The following ZNF407 variants were observed in gnomAD, a reference collection of about 807,000 sequenced individuals.
ZNF407 encodes the protein zinc finger protein 407.
ZNF407 carries 17 observed loss-of-function variants against 131.2 expected under a neutral mutation model. That is an observed-to-expected ratio of 0.13 (90% confidence interval 0.09 to 0.19). ZNF407 has a LOEUF of 0.19. Ranked by LOEUF, ZNF407 falls within the 10% of genes least tolerant of loss-of-function variation. The pLI, the probability that ZNF407 is intolerant of heterozygous loss-of-function variation, is 1.00. For synonymous variants in ZNF407, 1,156 were observed against 1,062.0 expected (o/e 1.09, Z -1.72); for missense variants, 2,681 against 2,830.6 (o/e 0.95, Z 1.20).
intron 4 of ZNF407, among the ~76,000 whole-genome samples, chr18:74,856,300 G>A (rs868775637): frequency 6.6e-6 from 1 of 152,140 alleles, no homozygotes; most frequent in African/African-American, 2.4e-5. Context: ...TTGTCACAAC[G>A]CATCATCTAA....
At chr18:74,882,515 T>A (rs9961200) in intron 6 of ZNF407, among the ~76,000 whole-genome samples, 8,865 of 152,294 alleles carry the variant, frequency 0.058, 824 homozygotes, top group African/African-American at 0.2. Flanking sequence ...AGGTAGCTTC[T>A]GTGCCCAATA....
chr18:75,033,226 T>C (rs1197246975), intron 8 of ZNF407, among the ~76,000 whole-genome samples: 1 of 136,828 alleles, frequency 7.3e-6, no homozygotes, highest in African/African-American at 2.8e-5. Context: ...GAAGATAGTA[T>C]TAGATAACTG....
intron 8 of ZNF407, among the ~76,000 whole-genome samples, chr18:74,924,036 C>T (rs1278025030): frequency 6.6e-6 from 1 of 152,152 alleles, no homozygotes; most frequent in Non-Finnish European, 1.5e-5. Flanking sequence ...ACTACAAGTA[C>T]AAGCAGCAGT....
At chr18:74,829,955 T>C (rs1263303174) in intron 4 of ZNF407, among the ~76,000 whole-genome samples, 1 of 152,084 alleles carries the variant, frequency 6.6e-6, no homozygotes, top group Non-Finnish European at 1.5e-5. Context: ...GCCTTTACAG[T>C]GGTAAATATA....
At chr18:74,879,102 A>G (rs948009384) in intron 5 of ZNF407, among the ~76,000 whole-genome samples, 3 of 152,308 alleles carry the variant, frequency 2.0e-5, no homozygotes, top group African/African-American at 7.2e-5. Flanking sequence ...AAATAGGGAA[A>G]GGAATAAAAA....
At chr18:74,812,817 T>C (rs1439940138) in intron 4 of ZNF407, among the ~76,000 whole-genome samples, 1 of 152,182 alleles carries the variant, frequency 6.6e-6, no homozygotes, top group East Asian at 1.9e-4. Context: ...TTTTAATGAC[T>C]TTGTCTTAGA....
intron 3 of ZNF407, among the ~76,000 whole-genome samples, chr18:74,647,866 G>A (rs185916502): frequency 1.2e-3 from 176 of 152,246 alleles, no homozygotes; most frequent in African/African-American, 4.0e-3. Context: ...CTGCTGAGGA[G>A]CAGAAGGAAA....
chr18:74,798,508 G>A (rs1342001370), intron 4 of ZNF407, among the ~76,000 whole-genome samples: 1 of 152,072 alleles, frequency 6.6e-6, no homozygotes. Flanking sequence ...CAGTGGTGTG[G>A]CAAGAGGTTG....
At chr18:75,045,856 G>C (rs79683588) in intron 8 of ZNF407, among the ~76,000 whole-genome samples, 3,503 of 152,240 alleles carry the variant, frequency 0.023, 49 homozygotes, top group African/African-American at 0.032. Flanking sequence ...ATACTCTTAA[G>C]CAGAAGGATC....
rs1969309731 is a variant in ZNF407 at position 74,769,172 on chromosome 18, G to A, written c.4803-12256G>A. On this transcript the variant is annotated intron_variant, in intron 3 of 8. Coordinates refer to ENST00000299687, the MANE Select transcript of ZNF407 (RefSeq NM_017757.3). Reference sequence around the variant, plus strand: ...CAGTCATAGGGAAGGCCCAGATTCAGCCCAAGTTTCTTTGACATCAGGCTT... The same window carrying A: ...CAGTCATAGGGAAGGCCCAGATTCAACCCAAGTTTCTTTGACATCAGGCTT... Among the ~76,000 whole-genome samples, 4 of 152,176 alleles carry A rather than the reference G, an allele frequency of 2.6e-5. No individual in the cohort carries two copies. In the South Asian group the frequency reaches 8.3e-4, roughly 31 times the overall value.
chr18:74,605,963 T>A (rs1982787447), intron 1 of ZNF407, among the ~76,000 whole-genome samples: 1 of 152,204 alleles, frequency 6.6e-6, no homozygotes, highest in East Asian at 1.9e-4. Flanking sequence ...CCTGACTTCC[T>A]AAGCCCGATG....
intron 4 of ZNF407, among the ~76,000 whole-genome samples, chr18:74,819,616 G>T (rs1485565842): frequency 6.6e-6 from 1 of 152,140 alleles, no homozygotes; most frequent in African/African-American, 2.4e-5. Context: ...TTCCTAGGAC[G>T]GGACCTGTGC....
In ZNF407 at chr18:74,705,150, AT is replaced by A. The variant is rs113918730; in HGVS notation, c.4802+64039del. ...TGGTGTTTTGACTTGAGAAAAATAC[AT>A]TTTTTTTTTTAAACCAGAAAGTCCA... On this transcript the variant is annotated intron_variant, in intron 3 of 8. Transcript: ENST00000299687. 4.6e-5 allele frequency among the ~76,000 whole-genome samples: 7 copies of A among 150,592 alleles called. 1 individual carries two copies. Among genetic ancestry groups the A allele is most frequent in the Admixed American group, 2.0e-4 (3 of 15,152 alleles).
rs145493221 is a variant in ZNF407, at chr18:74,918,690, T to A, written c.5250-1824T>A. Among the ~76,000 whole-genome samples, 132 of 152,282 alleles carry A rather than the reference T, an allele frequency of 8.7e-4. 1 individual carries two copies. Among genetic ancestry groups the A allele is most frequent in the African/African-American group, 3.1e-3 (128 of 41,576 alleles). On this transcript the variant is annotated intron_variant, in intron 7 of 8. Coordinates refer to ENST00000299687, the MANE Select transcript of ZNF407 (RefSeq NM_017757.3). ...CAAGTTGAAAATAGCTGGGAAAATA[T>A]CTGTTGTTCTAGTCCTTTTTTATTT...
At chr18:74,685,733 C>A (rs1264882175) in intron 3 of ZNF407, among the ~76,000 whole-genome samples, 2 of 152,164 alleles carry the variant, frequency 1.3e-5, no homozygotes, top group East Asian at 3.9e-4. Flanking sequence ...TGAGTGCTCT[C>A]CATCCATGTG....
chr18:74,928,538 G>A (rs1426613426), intron 8 of ZNF407, among the ~76,000 whole-genome samples: 1 of 152,178 alleles, frequency 6.6e-6, no homozygotes, highest in Non-Finnish European at 1.5e-5. Context: ...ATAAGAGATG[G>A]CATTCCAGGG....
intron 8 of ZNF407, among the ~76,000 whole-genome samples, chr18:75,020,509 A>G (rs1460881280): frequency 6.6e-6 from 1 of 152,178 alleles, no homozygotes; most frequent in African/African-American, 2.4e-5. Flanking sequence ...GAAGAAGGAA[A>G]GTTATCTGCT....
intron 4 of ZNF407, among the ~76,000 whole-genome samples, chr18:74,796,451 A>G (rs1303547754): frequency 6.6e-6 from 1 of 152,196 alleles, no homozygotes; most frequent in African/African-American, 2.4e-5. Flanking sequence ...TGAGATCCCA[A>G]GCTGCATTTT....
chr18:74,821,452 G>A (rs1396917212), intron 4 of ZNF407, among the ~76,000 whole-genome samples: 1 of 151,020 alleles, frequency 6.6e-6, no homozygotes, highest in Non-Finnish European at 1.5e-5. Context: ...CCCCGTGTGT[G>A]ATGATCCCCT....
Sources: gnomAD v4.1 joint callset for allele counts (sites outside exome capture counted in the v4.1 genomes callset) on GRCh38, gnomAD v4.1.1 for gene constraint, MANE v1.5 for transcripts, NCBI Gene and HGNC (gene_info 2026-07-23, HGNC 2026-07-21) for gene names.